Variants in HACE1 observed in about 807,000 individuals in gnomAD.
The protein encoded by HACE1 is HECT domain and ankyrin repeat containing E3 ubiquitin protein ligase 1.
A neutral mutation model predicts 118.4 loss-of-function variants in HACE1; 73 were observed. The ratio of observed to expected loss-of-function variants is 0.62; its 90% CI spans 0.51 to 0.75. The LOEUF is 0.75. Among genes scored for constraint, HACE1 ranks in the 30% least tolerant of loss-of-function variants. HACE1 has a pLI of 0.00. For missense variants in HACE1, 749 were observed against 1,102.2 expected (o/e 0.68, Z 4.54); for synonymous variants, 368 against 374.8 (o/e 0.98, Z 0.21).
chr6:104,777,697 T>C, intron 14 of HACE1, among the ~76,000 whole-genome samples: 1 of 152,216 alleles, frequency 6.6e-6, no homozygotes. Flanking sequence ...GTGTTCCATT[T>C]AATTTTTCAT....
At chr6:104,812,491 G>C (rs1771734138) in intron 6 of HACE1, among the ~76,000 whole-genome samples, 2 of 152,016 alleles carry the variant, frequency 1.3e-5, no homozygotes, top group Non-Finnish European at 2.9e-5. Flanking sequence ...ATTACTTCTG[G>C]ATTGAACACA....
intron 10 of HACE1, among the ~76,000 whole-genome samples, chr6:104,795,082 T>C (rs1377846120): frequency 1.3e-5 from 2 of 152,016 alleles, no homozygotes; most frequent in African/African-American, 4.8e-5. Context: ...TAAATTCAAG[T>C]AATATAAGGC....
At chr6:104,747,729 T>C (rs1018922934) in intron 20 of HACE1, among the ~76,000 whole-genome samples, 7 of 152,146 alleles carry the variant, frequency 4.6e-5, no homozygotes, top group Non-Finnish European at 1.0e-4. Flanking sequence ...ATGGGGACAA[T>C]AGTACTCACC....
intron 11 of HACE1, chr6:104,787,303 C>A (rs1033420574): frequency 6.6e-6 from 1 of 152,166 alleles, no homozygotes; most frequent in Non-Finnish European, 1.5e-5. Flanking sequence ...GTAATGAGGG[C>A]TCTTCCATAC....
At chr6:104,800,117 A>C (rs1212336643) in intron 7 of HACE1, among the ~76,000 whole-genome samples, 1 of 150,368 alleles carries the variant, frequency 6.7e-6, no homozygotes, top group Non-Finnish European at 1.5e-5. Flanking sequence ...CTAGCGCAGC[A>C]GTCTGAGATA....
intron 1 of HACE1, chr6:104,858,531 C>G (rs202049586): frequency 2.4e-5 from 9 of 375,866 alleles, no homozygotes; most frequent in Non-Finnish European, 4.7e-5. Context: ...GAGACCTCAT[C>G]TCTATAAAAG....
chr6:104,779,573 TAAC>T (rs1273476330), intron 14 of HACE1, among the ~76,000 whole-genome samples: 3 of 152,158 alleles, frequency 2.0e-5, no homozygotes, highest in African/African-American at 4.8e-5. Flanking sequence ...CATTTTCAGT[TAAC>T]AAGCTGGAAT....
intron 4 of HACE1, among the ~76,000 whole-genome samples, chr6:104,844,875 G>A (rs1268278977): frequency 6.7e-6 from 1 of 150,166 alleles, no homozygotes; most frequent in Non-Finnish European, 1.5e-5. Flanking sequence ...CGTTGGCCAG[G>A]CTCATCTTGA....
chr6:104,815,032 T>A lies in HACE1; in HGVS notation c.535-3639A>T, dbSNP rs1771976619. 1.4e-5 allele frequency among the ~76,000 whole-genome samples: 2 copies of A among 138,496 alleles called. 1 individual carries two copies. The highest frequency in any genetic ancestry group is 3.1e-5 in the Non-Finnish European group (2 of 64,364). The allele number at this position is 138,496 out of a possible 152,430, so 90.9% of individuals were successfully genotyped here. A position where few individuals can be genotyped will look rare whatever the true frequency, so the allele number is the denominator to read the frequency against. ...CAGTACCAGGAGTGGGACACTCCTA[T>A]AAAGACACTTGAAAATGTGGAAGCG... is the stretch of plus-strand genomic sequence containing the variant. On this transcript the variant is annotated intron_variant, in intron 6 of 23. Coordinates refer to ENST00000262903, the MANE Select transcript of HACE1 (RefSeq NM_020771.4).
At chr6:104,822,016 T>C (rs2041583875) in intron 6 of HACE1, among the ~76,000 whole-genome samples, 2 of 152,046 alleles carry the variant, frequency 1.3e-5, no homozygotes, top group African/African-American at 4.8e-5. Context: ...AAGACCAATC[T>C]GGGCAACATA....
chr6:104,841,380 T>A (rs1562490478), intron 5 of HACE1, among the ~76,000 whole-genome samples: 2 of 152,310 alleles, frequency 1.3e-5, no homozygotes, highest in East Asian at 3.9e-4. Flanking sequence ...CATTCAACCA[T>A]CATGCCTAAA....
chr6:104,736,240 C>T (rs916071814), intron 22 of HACE1, among the ~76,000 whole-genome samples: 2 of 151,522 alleles, frequency 1.3e-5, no homozygotes, highest in South Asian at 4.2e-4. Context: ...TATTTTTAGT[C>T]TATAACCTGT....
rs893722534 is a variant in HACE1, at chr6:104,792,959, C to T, written c.924-1305G>A. Among the ~76,000 whole-genome samples, 7 of 152,120 alleles carry T rather than the reference C, an allele frequency of 4.6e-5. 1 individual carries two copies. Among genetic ancestry groups the T allele is most frequent in the Admixed American group, 2.6e-4 (4 of 15,262 alleles). On this transcript the variant is annotated intron_variant, in intron 10 of 23. Coordinates refer to ENST00000262903, the MANE Select transcript of HACE1 (RefSeq NM_020771.4). Reference sequence around the variant, plus strand: ...AGAAGCACGGAGCTCTCTTCTTCCCCGGCCCCTTCCTTTAAAATAGTTGCT... The same window carrying T: ...AGAAGCACGGAGCTCTCTTCTTCCCTGGCCCCTTCCTTTAAAATAGTTGCT...
At chr6:104,766,156 G>A (rs1779990862) in intron 19 of HACE1, among the ~76,000 whole-genome samples, 1 of 152,136 alleles carries the variant, frequency 6.6e-6, no homozygotes, top group Admixed American at 6.5e-5. Context: ...CCCCACGTGG[G>A]GCACAGTGGG....
chr6:104,818,243 A>G (rs4079063), intron 6 of HACE1, among the ~76,000 whole-genome samples: 85,636 of 151,980 alleles, frequency 0.56, 25,732 homozygotes, highest in African/African-American at 0.79. Context: ...CAAGTATTTC[A>G]GTCACTATTT....
rs1771609351 is a variant in HACE1 at position 104,811,402 on chromosome 6, G to A, written c.535-9C>T. ...AGCAAGCACTGCACTGTCTGAGGGG[G>A]AAAAAATAATTAAAAGTAAAGCCAG... On this transcript the variant is annotated splice_polypyrimidine_tract_variant and intron_variant, in intron 6 of 23. Transcript: ENST00000262903. The A allele has an allele frequency of 7.4e-7, 1 of 1,351,874 alleles. No homozygotes were observed. Among genetic ancestry groups the A allele is most frequent in the Non-Finnish European group, 1.1e-6 (1 of 942,630 alleles). The allele number at this position is 1,351,874 out of a possible 1,614,324, so 83.7% of individuals were successfully genotyped here. A position where few individuals can be genotyped will look rare whatever the true frequency, so the allele number is the denominator to read the frequency against.
intron 6 of HACE1, among the ~76,000 whole-genome samples, chr6:104,828,186 A>G (rs1293958437): frequency 6.6e-6 from 1 of 152,074 alleles, no homozygotes; most frequent in Non-Finnish European, 1.5e-5. Context: ...ATACCTACAG[A>G]GAATAGTGTT....
chr6:104,759,928 C>A (rs1299443802), intron 19 of HACE1, among the ~76,000 whole-genome samples: 2 of 152,150 alleles, frequency 1.3e-5, no homozygotes, highest in Admixed American at 6.5e-5. Flanking sequence ...CATCTCTATG[C>A]AAATAAACTA....
Position 104,744,183 on chromosome 6 carries a change from A to T in HACE1, c.2490T>A (p.Leu830=). 2 of 1,600,766 alleles carry T rather than the reference A, an allele frequency of 1.2e-6. No homozygotes were observed. Among genetic ancestry groups the T allele is most frequent in the Non-Finnish European group, 8.6e-7 (1 of 1,168,040 alleles). The change falls in exon 22 of 24, where the codon CTT becomes CTA. Residue 830 remains leucine, a synonymous_variant. Coordinates refer to ENST00000262903, the MANE Select transcript of HACE1 (RefSeq NM_020771.4). ...ACCTGCCCGTAACAAACTGTAAGAG[A>T]AGAACTCTCTCCTCTTGAGTAATGT... is the stretch of plus-strand genomic sequence containing the variant. ...VEDITQEERV[L]LLQFVTGSSR... is the part of the protein sequence containing the mutation.
Sources: gnomAD v4.1 joint callset for allele counts (sites outside exome capture counted in the v4.1 genomes callset) on GRCh38, gnomAD v4.1.1 for gene constraint, MANE v1.5 for transcripts, NCBI Gene and HGNC (gene_info 2026-07-23, HGNC 2026-07-21) for gene names.